Variants in SIPA1L3 observed in about 807,000 individuals in gnomAD.
SIPA1L3 encodes signal induced proliferation associated 1 like 3.
SIPA1L3 carries 59 observed loss-of-function variants against 150.1 expected under a neutral mutation model. That is an observed-to-expected ratio of 0.39 (90% CI 0.32 to 0.49). The LOEUF (loss-of-function observed/expected upper bound fraction) is 0.49, where lower values mean the gene tolerates loss of function less well. Ranked by LOEUF, SIPA1L3 falls within the 20% of genes least tolerant of loss-of-function variation. SIPA1L3 has a pLI of 0.86. For synonymous variants in SIPA1L3, 1,070 were observed against 1,077.6 expected (o/e 0.99, Z 0.14); for missense variants, 2,211 against 2,489.5 (o/e 0.89, Z 2.38).
At chr19:38,036,253 G>A (rs1287373590) in intron 2 of SIPA1L3, among the ~76,000 whole-genome samples, 1 of 152,266 alleles carries the variant, frequency 6.6e-6, no homozygotes, top group African/African-American at 2.4e-5. Flanking sequence ...CACAGCCCCA[G>A]TGGGTGATTC....
intron 1 of SIPA1L3, among the ~76,000 whole-genome samples, chr19:37,943,249 C>G (rs372725136): frequency 4.6e-5 from 7 of 152,012 alleles, no homozygotes; most frequent in Non-Finnish European, 1.0e-4. Context: ...ATTTCAACCC[C>G]GAAGAAACTG....
chr19:38,141,166 T>A lies in SIPA1L3; in HGVS notation c.3144-18T>A. 6.4e-7 allele frequency: 1 copy of A among 1,558,318 alleles called. No homozygotes were observed. The highest frequency in any genetic ancestry group is 8.7e-7 in the Non-Finnish European group (1 of 1,151,000). ...GGTGGGCTGGGGCCTTTCTGAGTAA[T>A]GCAGTTTTTCTCCCCAGGGGTTGGC... On this transcript the variant is annotated intron_variant, in intron 10 of 21. Transcript: ENST00000222345.
At chr19:38,035,988 A>T (rs1038483511) in intron 2 of SIPA1L3, among the ~76,000 whole-genome samples, 9 of 152,216 alleles carry the variant, frequency 5.9e-5, no homozygotes, top group African/African-American at 2.2e-4. Flanking sequence ...AGCAGAGTTC[A>T]TACAGCGAAA....
In SIPA1L3 at chr19:38,081,457, C is replaced by A; in HGVS notation, c.-109C>A. ...CTTCCTGTCAGGTTTCAGGGCCCAGCATCCTTCATCCTGGGCCTGGCTGCC... is the reference window on the plus strand; with the variant it reads ...CTTCCTGTCAGGTTTCAGGGCCCAGAATCCTTCATCCTGGGCCTGGCTGCC... On this transcript the variant is annotated 5_prime_UTR_variant, in exon 3 of 22. Transcript: ENST00000222345. 3 of 1,045,242 alleles carry A rather than the reference C, an allele frequency of 2.9e-6. No homozygotes were observed. The highest frequency in any genetic ancestry group is 1.6e-5 in the African/African-American group (1 of 62,636). The allele number at this position is 1,045,242 out of a possible 1,614,324, so 64.7% of individuals were successfully genotyped here. A position where few individuals can be genotyped will look rare whatever the true frequency, so the allele number is the denominator to read the frequency against.
intron 16 of SIPA1L3, among the ~76,000 whole-genome samples, chr19:38,187,594 G>A (rs1351325871): frequency 6.6e-6 from 1 of 151,054 alleles, no homozygotes; most frequent in African/African-American, 2.4e-5. Context: ...GCGGGCGCCT[G>A]TAGTCCCAGC....
At chr19:38,072,846 C>T (rs1393273507) in intron 2 of SIPA1L3, among the ~76,000 whole-genome samples, 1 of 152,266 alleles carries the variant, frequency 6.6e-6, no homozygotes, top group African/African-American at 2.4e-5. Flanking sequence ...GAGCTTCTGG[C>T]AGACATTGCA....
At position 38,085,494 on chromosome 19, in the gene SIPA1L3, A is replaced by T. The variant is rs554863893; in HGVS notation, c.1534+2395A>T. 3.9e-5 allele frequency among the ~76,000 whole-genome samples: 6 copies of T among 152,154 alleles called. No homozygotes were observed. The East Asian group carries it at 9.7e-4, about 25-fold the overall frequency. ...GACTCCGTCTCAAAAAAAAAAAAAAAAAAAAGAAGTTCCAGACAGTTGCTT... is the reference window on the plus strand; with the variant it reads ...GACTCCGTCTCAAAAAAAAAAAAAATAAAAAGAAGTTCCAGACAGTTGCTT... On this transcript the variant is annotated intron_variant, in intron 3 of 21. Coordinates refer to ENST00000222345, the MANE Select transcript of SIPA1L3 (RefSeq NM_015073.3).
intron 8 of SIPA1L3, among the ~76,000 whole-genome samples, chr19:38,118,265 A>G (rs1050591855): frequency 3.9e-5 from 6 of 152,080 alleles, no homozygotes; most frequent in African/African-American, 1.4e-4. Context: ...TGGCTTACAA[A>G]AAATACAAAA....
intron 8 of SIPA1L3, among the ~76,000 whole-genome samples, chr19:38,117,196 G>A (rs1970907192): frequency 6.6e-6 from 1 of 152,218 alleles, no homozygotes; most frequent in African/African-American, 2.4e-5. Flanking sequence ...CAGGGTTGGA[G>A]TGTAGGGAGG....
At chr19:37,951,907 A>G (rs2046768313) in intron 1 of SIPA1L3, among the ~76,000 whole-genome samples, 1 of 151,736 alleles carries the variant, frequency 6.6e-6, no homozygotes, top group Admixed American at 6.6e-5. Context: ...AAAAAAAAAA[A>G]AAAAAAAAAG....
At chr19:37,986,495 C>T (rs1967353738) in intron 1 of SIPA1L3, among the ~76,000 whole-genome samples, 1 of 152,200 alleles carries the variant, frequency 6.6e-6, no homozygotes. Context: ...CAAAAGCAGC[C>T]CCTTTGCTGG....
intron 2 of SIPA1L3, among the ~76,000 whole-genome samples, 156 bp downstream of exon 2, chr19:38,029,312 A>G (rs932000471): frequency 1.5e-4 from 23 of 152,156 alleles, no homozygotes; most frequent in African/African-American, 5.5e-4. Context: ...CCCAGAGGTA[A>G]TTACTGTCAG....
chr19:38,000,476 C>CAAA (rs931671031), intron 1 of SIPA1L3, among the ~76,000 whole-genome samples: 33 of 43,706 alleles, frequency 7.6e-4, no homozygotes, highest in African/African-American at 1.4e-3. Flanking sequence ...GACTCTGTCT[C>CAAA]AAAAAAAAAA....
Position 38,062,639 on chromosome 19 carries a change from G to C in SIPA1L3, c.-310-18617G>C, listed in dbSNP as rs555764218. 1.6e-3 allele frequency among the ~76,000 whole-genome samples: 238 copies of C among 151,462 alleles called. 1 individual carries two copies. Among genetic ancestry groups the C allele is most frequent in the African/African-American group, 5.5e-3 (228 of 41,214 alleles). On this transcript the variant is annotated intron_variant, in intron 2 of 21. Coordinates refer to ENST00000222345, the MANE Select transcript of SIPA1L3 (RefSeq NM_015073.3). The stretch of plus-strand genomic sequence containing the variant: ...TATTATTATTTTTTTTTTTGAGAAA[G>C]AGTCTCACTCTGTTGCCCAGGCTGT...
At chr19:38,189,235 A>G (rs918545428) in intron 16 of SIPA1L3, among the ~76,000 whole-genome samples, 3 of 151,494 alleles carry the variant, frequency 2.0e-5, no homozygotes, top group Non-Finnish European at 2.9e-5. Context: ...CCCGATCTCA[A>G]GCAGTCTCCT....
chr19:38,103,864 C>T (rs547672405), intron 6 of SIPA1L3, among the ~76,000 whole-genome samples: 8 of 144,394 alleles, frequency 5.5e-5, no homozygotes, highest in South Asian at 2.2e-4. Context: ...ATCGCACCAC[C>T]GCACTCCAGC....
intron 1 of SIPA1L3, among the ~76,000 whole-genome samples, chr19:37,966,091 CTGCCGT>C (rs2046901734): frequency 6.6e-6 from 1 of 152,244 alleles, no homozygotes; most frequent in Non-Finnish European, 1.5e-5. Context: ...CCCTGTTCCC[CTGCCGT>C]GTGATCCACC....
chr19:38,193,817 C>A, intron 18 of SIPA1L3, 37 bp downstream of exon 18: 1 of 1,507,926 alleles, frequency 6.6e-7, no homozygotes, highest in Non-Finnish European at 8.8e-7. Flanking sequence ...GCGGTAGTTA[C>A]CCCAAGGTTG....
intron 4 of SIPA1L3, among the ~76,000 whole-genome samples, chr19:38,094,888 A>G (rs1970343359): frequency 6.6e-6 from 1 of 151,984 alleles, no homozygotes; most frequent in Admixed American, 6.6e-5. Context: ...TCAACATGGC[A>G]AAACTCCATC....
Sources: allele counts gnomAD v4.1 joint callset (sites outside exome capture counted in the v4.1 genomes callset), GRCh38; gene constraint gnomAD v4.1.1; transcripts MANE v1.5; gene names NCBI Gene and HGNC (gene_info 2026-07-23, HGNC 2026-07-21).